Variants in DSCAML1 observed in about 807,000 individuals in gnomAD.
DSCAML1 encodes cell adhesion molecule DSCAML1.
A neutral mutation model predicts 200.5 loss-of-function variants in DSCAML1; 38 were observed. The ratio of observed to expected loss-of-function variants is 0.19; its 90% confidence interval spans 0.15 to 0.25. The LOEUF is 0.25. Among genes scored for constraint, DSCAML1 ranks in the 10% least tolerant of loss-of-function variants. The probability of loss-of-function intolerance (pLI) is 1.00; values close to 1 mark genes in which losing one functional copy is unlikely to be tolerated. For missense variants in DSCAML1, 2,223 were observed against 2,858.8 expected (o/e 0.78, Z 5.07); for synonymous variants, 1,215 against 1,165.0 (o/e 1.04, Z -0.87).
chr11:117,719,666 CTA>C (rs750038341), intron 3 of DSCAML1, among the ~76,000 whole-genome samples: 11 of 152,202 alleles, frequency 7.2e-5, no homozygotes, highest in Non-Finnish European at 1.3e-4. Context: ...GATGACAAAA[CTA>C]AGTCCAGATA....
At chr11:117,709,700 T>G (rs995510181) in intron 3 of DSCAML1, 5 of 455,214 alleles carry the variant, frequency 1.1e-5, no homozygotes, top group Non-Finnish European at 2.2e-5. Flanking sequence ...TTTCACTGGC[T>G]TTGGGCTAAG....
intron 16 of DSCAML1, among the ~76,000 whole-genome samples, chr11:117,467,840 AC>A (rs1223959220): frequency 1.3e-5 from 2 of 151,818 alleles, no homozygotes; most frequent in Non-Finnish European, 2.9e-5. Context: ...CTTCACATCG[AC>A]CCCCATTCTC....
chr11:117,478,877 G>A (rs530426054), intron 14 of DSCAML1, among the ~76,000 whole-genome samples: 8 of 152,264 alleles, frequency 5.3e-5, no homozygotes, highest in Admixed American at 2.6e-4. Flanking sequence ...GTTGGCTGAC[G>A]CCCCTCCTTG....
Position 117,444,128 on chromosome 11 carries a change from AG to A in DSCAML1, c.3709-90del. Reference sequence around the variant, plus strand: ...CCTCAGTGCCCGGGGCTCAGAGGAGAGGATGGCGGGGTCGGATGCGAGGCAG... The same window carrying A: ...CCTCAGTGCCCGGGGCTCAGAGGAGAGATGGCGGGGTCGGATGCGAGGCAG... On this transcript the variant is annotated intron_variant, in intron 20 of 32. Transcript: ENST00000651296. 2.1e-6 allele frequency: 3 copies of A among 1,439,846 alleles called. No individual in the cohort carries two copies. In the South Asian group the frequency reaches 4.1e-5, roughly 20 times the overall value. 89.2% of individuals were successfully genotyped at this position (1,439,846 alleles called of 1,614,324 possible). A position where few individuals can be genotyped will look rare whatever the true frequency, so the allele number is the denominator to read the frequency against.
At position 117,480,268 on chromosome 11, in the gene DSCAML1, C is replaced by T. The variant is rs897071845; in HGVS notation, c.2785+175G>A. ...CTTCCACCCGGACTCCTAGCCCGGCCAGTGTCCCTCCCTTCAGAAGCCACA... is the reference window on the plus strand; with the variant it reads ...CTTCCACCCGGACTCCTAGCCCGGCTAGTGTCCCTCCCTTCAGAAGCCACA... On this transcript the variant is annotated intron_variant, in intron 14 of 32. Coordinates refer to ENST00000651296, the MANE Select transcript of DSCAML1 (RefSeq NM_020693.4). The surrounding 1 kb of genome is among the most constrained non-coding windows in gnomAD (Gnocchi z 4.1). Among the ~76,000 whole-genome samples the T allele has an allele frequency of 2.0e-5, 3 of 152,234 alleles. No homozygotes were observed. Among genetic ancestry groups the T allele is most frequent in the African/African-American group, 7.2e-5 (3 of 41,464 alleles).
At chr11:117,688,510 C>T (rs1465625797) in intron 3 of DSCAML1, among the ~76,000 whole-genome samples, 3 of 152,224 alleles carry the variant, frequency 2.0e-5, no homozygotes, top group Non-Finnish European at 4.4e-5. Flanking sequence ...TTCCCGCCTC[C>T]TCCCCACACA....
chr11:117,485,707 C>T (rs2049033602), intron 11 of DSCAML1, among the ~76,000 whole-genome samples: 1 of 152,202 alleles, frequency 6.6e-6, no homozygotes, highest in South Asian at 2.1e-4. Flanking sequence ...TGACGTGCAA[C>T]ATAGATTATT....
At chr11:117,443,757 TG>T in intron 21 of DSCAML1, 128 bp downstream of exon 21, 1 of 1,302,466 alleles carries the variant, frequency 7.7e-7, no homozygotes, top group Non-Finnish European at 1.0e-6. Flanking sequence ...GGCAGGCGGG[TG>T]GCCAGTTCCT....
chr11:117,605,182 C>T (rs1384910238), intron 3 of DSCAML1, among the ~76,000 whole-genome samples: 1 of 152,120 alleles, frequency 6.6e-6, no homozygotes, highest in Non-Finnish European at 1.5e-5. Context: ...GTGCACGCCA[C>T]CATGCCCGGC....
At chr11:117,525,130 T>A in intron 4 of DSCAML1, 47 bp from the exon 5 acceptor site, 1 of 1,480,978 alleles carries the variant, frequency 6.8e-7, no homozygotes, top group Non-Finnish European at 8.9e-7. Flanking sequence ...CTGGGTGGGA[T>A]GAAGTGGCGC....
chr11:117,753,033 C>T (rs746400306), intron 3 of DSCAML1, among the ~76,000 whole-genome samples: 6 of 151,934 alleles, frequency 3.9e-5, no homozygotes, highest in Non-Finnish European at 7.4e-5. Flanking sequence ...AGTAACTGCA[C>T]GGACTTGGAG....
intron 3 of DSCAML1, among the ~76,000 whole-genome samples, chr11:117,613,874 C>T (rs2051751928): frequency 1.3e-5 from 2 of 152,098 alleles, no homozygotes; most frequent in Admixed American, 1.3e-4. Flanking sequence ...CAAGCAGCCT[C>T]CCAGCCACCC....
At chr11:117,623,236 G>GT (rs2051975549) in intron 3 of DSCAML1, among the ~76,000 whole-genome samples, 1 of 62,688 alleles carries the variant, frequency 1.6e-5, no homozygotes, top group Non-Finnish European at 3.2e-5. Context: ...TTTTTTTTGA[G>GT]ACAGAGTTTT....
intron 3 of DSCAML1, among the ~76,000 whole-genome samples, chr11:117,649,041 A>ATATATGTGTGTGTGTGTGTG (rs768621807): frequency 8.0e-5 from 11 of 137,932 alleles, no homozygotes; most frequent in African/African-American, 2.6e-4. Context: ...CTCCATATAT[A>ATATATGTGTGTGTGTGTGTG]TGTGTGTGTG....
intron 2 of DSCAML1, among the ~76,000 whole-genome samples, chr11:117,779,498 C>T (rs1485892579): frequency 6.6e-6 from 1 of 152,156 alleles, no homozygotes; most frequent in Non-Finnish European, 1.5e-5. Context: ...TACCAAATTG[C>T]CTTTTCTCAT....
At chr11:117,506,660 A>C (rs1232073298) in intron 8 of DSCAML1, among the ~76,000 whole-genome samples, 1 of 141,890 alleles carries the variant, frequency 7.0e-6, no homozygotes, top group African/African-American at 2.7e-5. Context: ...TGATCCTCCC[A>C]TCTCAGCCTC....
intron 3 of DSCAML1, among the ~76,000 whole-genome samples, chr11:117,760,208 T>C (rs894647971): frequency 6.6e-5 from 10 of 152,204 alleles, no homozygotes; most frequent in Admixed American, 1.3e-4. Context: ...CAGAAAAGCA[T>C]AAAAATAATG....
At chr11:117,791,441 T>G (rs971478464) in intron 1 of DSCAML1, among the ~76,000 whole-genome samples, 5 of 152,366 alleles carry the variant, frequency 3.3e-5, no homozygotes, top group Admixed American at 6.5e-5. Context: ...TCCAGAATAG[T>G]TCTTACTCTG....
upstream of DSCAML1, among the ~76,000 whole-genome samples, chr11:117,800,587 G>A (rs1373604113): frequency 6.6e-6 from 1 of 152,310 alleles, no homozygotes; most frequent in East Asian, 1.9e-4. Context: ...CCTCAAATTT[G>A]TGGGATTCCT....
Sources: gnomAD v4.1 joint callset for allele counts (sites outside exome capture counted in the v4.1 genomes callset) on GRCh38, gnomAD v4.1.1 for gene constraint, Gnocchi (gnomAD v3.1) non-coding constraint, MANE v1.5 for transcripts, NCBI Gene and HGNC (gene_info 2026-07-23, HGNC 2026-07-21) for gene names.